TNKS: variants seen among roughly 807,000 people sequenced by gnomAD.
The protein encoded by TNKS is poly [ADP-ribose] polymerase tankyrase-1.
TNKS carries 72 observed loss-of-function variants against 135.8 expected under a neutral mutation model. The observed-to-expected ratio is 0.53, with a 90% CI of 0.44 to 0.64. The LOEUF is 0.64. TNKS is among the 30% of genes least tolerant of loss of function. The pLI, the probability that TNKS is intolerant of heterozygous loss-of-function variation, is 0.00. For synonymous variants in TNKS, 849 were observed against 649.3 expected (o/e 1.31, Z -4.68); for missense variants, 1,769 against 1,674.0 (o/e 1.06, Z -0.99).
intron 3 of TNKS, among the ~76,000 whole-genome samples, chr8:9,654,278 A>G (rs558218636): frequency 6.6e-6 from 1 of 152,326 alleles, no homozygotes; most frequent in South Asian, 2.1e-4. Context: ...GATAAAAATA[A>G]CATGCCTACT....
At chr8:9,760,475 A>G (rs1807089093) in intron 20 of TNKS, among the ~76,000 whole-genome samples, 1 of 152,224 alleles carries the variant, frequency 6.6e-6, no homozygotes, top group African/African-American at 2.4e-5. Context: ...TGTTACTTGC[A>G]AGTTAAAAAG....
At chr8:9,556,672 G>C (rs1241960957) in intron 1 of TNKS, 60 bp downstream of exon 1, 2 of 1,596,278 alleles carry the variant, frequency 1.3e-6, no homozygotes, top group East Asian at 2.2e-5. Flanking sequence ...GTCCGGTTAG[G>C]ACAAGAAAAC....
At chr8:9,754,221 A>G (rs996953850) in intron 20 of TNKS, among the ~76,000 whole-genome samples, 5 of 152,236 alleles carry the variant, frequency 3.3e-5, no homozygotes, top group Non-Finnish European at 7.3e-5. Context: ...GAGGGCCACC[A>G]TTCAGCCCAC....
At chr8:9,741,345 T>C (rs1805948734) in intron 17 of TNKS, among the ~76,000 whole-genome samples, 1 of 152,198 alleles carries the variant, frequency 6.6e-6, no homozygotes, top group South Asian at 2.1e-4. Flanking sequence ...AGAATTATAA[T>C]AATGAACTGA....
chr8:9,561,431 G>C (rs542696559), intron 1 of TNKS, among the ~76,000 whole-genome samples: 19 of 152,262 alleles, frequency 1.2e-4, no homozygotes, highest in African/African-American at 3.8e-4. Context: ...TATAGAATAA[G>C]AGTTGCCTGT....
intron 3 of TNKS, among the ~76,000 whole-genome samples, chr8:9,673,164 G>C (rs13261385): frequency 0.12 from 17,673 of 152,122 alleles, 1,216 homozygotes; most frequent in Admixed American, 0.22. Context: ...ACCCTGCTAA[G>C]TGTCAGGAAA....
At chr8:9,633,330 T>C (rs1167083770) in intron 3 of TNKS, among the ~76,000 whole-genome samples, 2 of 152,214 alleles carry the variant, frequency 1.3e-5, no homozygotes, top group African/African-American at 2.4e-5. Context: ...TGCCCAAATA[T>C]AGGAGACTGG....
intron 2 of TNKS, among the ~76,000 whole-genome samples, chr8:9,608,002 C>T (rs149980817): frequency 0.011 from 1,637 of 152,220 alleles, 16 homozygotes; most frequent in Non-Finnish European, 0.015. Context: ...TGCAGTGGTG[C>T]GATCATGGCT....
chr8:9,709,758 T>C (rs1804228289), intron 9 of TNKS, among the ~76,000 whole-genome samples, 197 bp from the exon 10 acceptor site: 2 of 152,230 alleles, frequency 1.3e-5, no homozygotes, highest in Non-Finnish European at 2.9e-5. Flanking sequence ...AATTTCACCT[T>C]GGTTTAAACG....
In TNKS at chr8:9,580,221, G is replaced by C. The variant is rs561234253; in HGVS notation, c.736G>C (p.Asp246His). ...GATGGGTGCTAATGTCCACGCTCGTGATGATGGAGGTCTCATCCCGCTTCA... is the reference window on the plus strand; with the variant it reads ...GATGGGTGCTAATGTCCACGCTCGTCATGATGGAGGTCTCATCCCGCTTCA... ...LQMGANVHAR[D>H]DGGLIPLHNA... is the part of the protein sequence containing the mutation. The change falls in exon 2 of 27, where the codon GAT becomes CAT. Residue 246 changes from aspartate (D) to histidine (H), a missense_variant. By Grantham distance (81) the Asp-to-His change is moderately conservative. This residue lies in a region of TNKS where 523 missense variants were observed against 541.0 expected (regional missense o/e 0.97). Transcript: ENST00000310430. 6.2e-7 allele frequency: 1 copy of C among 1,614,178 alleles called. No individual in the cohort carries two copies. The highest frequency in any genetic ancestry group is 2.2e-5 in the East Asian group (1 of 44,876).
chr8:9,611,059 CCTT>C (rs1356981532), intron 2 of TNKS, among the ~76,000 whole-genome samples: 4 of 152,186 alleles, frequency 2.6e-5, no homozygotes, highest in Non-Finnish European at 5.9e-5. Context: ...AATCGTGTGT[CCTT>C]CTTGACATAG....
In TNKS at chr8:9,700,697, C is replaced by G. The variant is rs144440507; in HGVS notation, c.1108-3966C>G. The stretch of plus-strand genomic sequence containing the variant: ...CTCACTAGCTAGATCAGTCATTTCT[C>G]AGAGGCTATCAATTCTGCTTCCTAA... On this transcript the variant is annotated intron_variant, in intron 5 of 26. Transcript: ENST00000310430. Among the ~76,000 whole-genome samples the G allele has an allele frequency of 3.6e-4, 54 of 152,092 alleles. 2 individuals are homozygous for G. Among genetic ancestry groups the G allele is most frequent in the Middle Eastern group, 3.4e-3 (1 of 294 alleles).
At chr8:9,731,771 A>T (rs1403599143) in intron 14 of TNKS, among the ~76,000 whole-genome samples, 1 of 151,998 alleles carries the variant, frequency 6.6e-6, no homozygotes, top group East Asian at 1.9e-4. Flanking sequence ...ATAGTATTTT[A>T]TTACATTATA....
At chr8:9,659,372 T>G (rs1585291126) in intron 3 of TNKS, among the ~76,000 whole-genome samples, 1 of 151,924 alleles carries the variant, frequency 6.6e-6, no homozygotes, top group Non-Finnish European at 1.5e-5. Flanking sequence ...GAACAGAAAT[T>G]ATAACAAACT....
intron 3 of TNKS, among the ~76,000 whole-genome samples, chr8:9,627,718 C>G (rs1216247182): frequency 6.6e-6 from 1 of 151,840 alleles, no homozygotes; most frequent in Non-Finnish European, 1.5e-5. Context: ...ATTTTGTTGC[C>G]GTAATCAAGA....
At chr8:9,729,195 C>G (rs1805302136) in intron 13 of TNKS, among the ~76,000 whole-genome samples, 1 of 152,176 alleles carries the variant, frequency 6.6e-6, no homozygotes, top group Non-Finnish European at 1.5e-5. Context: ...CTTAAGCCCA[C>G]ATTCAGGAGG....
intron 25 of TNKS, among the ~76,000 whole-genome samples, chr8:9,769,091 A>T (rs1331626476): frequency 6.6e-6 from 1 of 152,202 alleles, no homozygotes; most frequent in Non-Finnish European, 1.5e-5. Context: ...TCTTTAAGGG[A>T]TATATAATAA....
At chr8:9,700,486 A>G (rs985326917) in intron 5 of TNKS, among the ~76,000 whole-genome samples, 2 of 152,178 alleles carry the variant, frequency 1.3e-5, no homozygotes, top group Non-Finnish European at 2.9e-5. Flanking sequence ...TCTGAATTCT[A>G]GTGCCATACG....
chr8:9,659,979 A>C (rs1474987260), intron 3 of TNKS, among the ~76,000 whole-genome samples: 1 of 152,360 alleles, frequency 6.6e-6, no homozygotes, highest in East Asian at 1.9e-4. Flanking sequence ...ATAAACTAGA[A>C]AATCTAGAAG....
Sources: allele counts gnomAD v4.1 joint callset (sites outside exome capture counted in the v4.1 genomes callset), GRCh38; gene constraint gnomAD v4.1.1; regional missense constraint gnomAD v4.1.1; transcripts MANE v1.5; gene names NCBI Gene and HGNC (gene_info 2026-07-23, HGNC 2026-07-21).